PCDH15: variants seen among roughly 807,000 people sequenced by gnomAD.
PCDH15 encodes protocadherin-15.
A neutral mutation model predicts 178.5 loss-of-function variants in PCDH15; 129 were observed. The ratio of observed to expected loss-of-function variants is 0.72; its 90% CI spans 0.63 to 0.84. The LOEUF is 0.84. PCDH15 is among the 40% of genes least tolerant of loss of function. The probability of loss-of-function intolerance (pLI) is 0.00; values close to 1 mark genes in which losing one functional copy is unlikely to be tolerated. For missense variants in PCDH15, 2,230 were observed against 2,099.9 expected (o/e 1.06, Z -1.21); for synonymous variants, 800 against 732.0 (o/e 1.09, Z -1.50).
chr10:54,114,789 C>T (rs2095084901), intron 15 of PCDH15, among the ~76,000 whole-genome samples: 2 of 152,030 alleles, frequency 1.3e-5, no homozygotes, highest in Admixed American at 6.6e-5. Context: ...GTGGAAATAG[C>T]AAGTGAACGG....
intron 1 of PCDH15, among the ~76,000 whole-genome samples, chr10:54,716,772 A>G (rs1297712740): frequency 1.3e-5 from 2 of 151,600 alleles, no homozygotes; most frequent in Non-Finnish European, 2.9e-5. Context: ...TAAAGTTCAT[A>G]TGGAACCAAA....
intron 2 of PCDH15, among the ~76,000 whole-genome samples, chr10:54,652,055 C>G (rs2094275395): frequency 6.6e-6 from 1 of 151,724 alleles, no homozygotes; most frequent in Non-Finnish European, 1.5e-5. Context: ...ATTGAATAAT[C>G]TAGACTAAGC....
At chr10:54,899,033 T>A (rs912232516) in intron 2 of PCDH15, among the ~76,000 whole-genome samples, 12 of 152,084 alleles carry the variant, frequency 7.9e-5, no homozygotes, top group Admixed American at 2.0e-4. Flanking sequence ...AGCACATTCA[T>A]AACAAGCCTG....
At chr10:54,098,864 A>T (rs2094751303) in intron 15 of PCDH15, among the ~76,000 whole-genome samples, 1 of 152,316 alleles carries the variant, frequency 6.6e-6, no homozygotes, top group East Asian at 1.9e-4. Context: ...GAAAAAAATC[A>T]GAATCAACAT....
intron 2 of PCDH15, among the ~76,000 whole-genome samples, chr10:55,038,394 G>A (rs11004692): frequency 0.07 from 10,656 of 152,158 alleles, 564 homozygotes; most frequent in African/African-American, 0.14. Flanking sequence ...GATTTAAAAT[G>A]CAATATTTTA....
chr10:53,812,421 G>A (rs2075903347), intron 35 of PCDH15, among the ~76,000 whole-genome samples: 1 of 151,802 alleles, frequency 6.6e-6, no homozygotes, highest in African/African-American at 2.4e-5. Flanking sequence ...CACCATGTTA[G>A]CCAGGATGTT....
At chr10:55,222,682 T>C (rs1417699878) in intron 1 of PCDH15, among the ~76,000 whole-genome samples, 2 of 145,202 alleles carry the variant, frequency 1.4e-5, no homozygotes, top group Admixed American at 1.4e-4. Flanking sequence ...GATTGTCATC[T>C]ACAAGTAATG....
At chr10:54,767,162 A>G (rs536660458) in intron 1 of PCDH15, among the ~76,000 whole-genome samples, 1 of 152,246 alleles carries the variant, frequency 6.6e-6, no homozygotes, top group Admixed American at 6.5e-5. Context: ...GTTTGGCTCA[A>G]AATTTATTAC....
chr10:54,750,159 A>G (rs761618702), intron 1 of PCDH15, among the ~76,000 whole-genome samples: 8 of 152,084 alleles, frequency 5.3e-5, no homozygotes, highest in Non-Finnish European at 7.4e-5. Context: ...CAAGTTAAAA[A>G]TGCAGTTGGA....
At chr10:55,119,529 GCACC>G (rs1837713612) in intron 2 of PCDH15, among the ~76,000 whole-genome samples, 1 of 130,716 alleles carries the variant, frequency 7.7e-6, no homozygotes, top group African/African-American at 4.4e-5. Context: ...CTAATTAATT[GCACC>G]TGGAAAAGGC....
chr10:54,925,625 G>A (rs1446462662), intron 2 of PCDH15, among the ~76,000 whole-genome samples: 1 of 152,114 alleles, frequency 6.6e-6, no homozygotes, highest in Non-Finnish European at 1.5e-5. Flanking sequence ...TCTTTGAGCA[G>A]TGTTTTGTAG....
chr10:55,328,137 TATA>T (rs2132307004), intron 2 of PCDH15, among the ~76,000 whole-genome samples: 1 of 152,084 alleles, frequency 6.6e-6, no homozygotes, highest in East Asian at 1.9e-4. Context: ...GAAACATATT[TATA>T]ATAATTACAG....
At chr10:54,534,203 G>C (rs1030108272) in intron 2 of PCDH15, among the ~76,000 whole-genome samples, 2 of 151,918 alleles carry the variant, frequency 1.3e-5, no homozygotes, top group Non-Finnish European at 2.9e-5. Flanking sequence ...TTCATGCAAG[G>C]GCTGATAGTA....
At chr10:54,863,404 T>C (rs1424731539) in intron 3 of PCDH15, among the ~76,000 whole-genome samples, 2 of 152,036 alleles carry the variant, frequency 1.3e-5, no homozygotes, top group African/African-American at 4.8e-5. Flanking sequence ...TAGCCGGGCA[T>C]GGTGGCGGGT....
intron 2 of PCDH15, among the ~76,000 whole-genome samples, chr10:55,335,078 G>A (rs1343869835): frequency 6.6e-6 from 1 of 152,158 alleles, no homozygotes; most frequent in African/African-American, 2.4e-5. Flanking sequence ...ACATAGTTGT[G>A]CTTCTTCCTA....
chr10:54,036,156 A>G (rs2093411836), intron 18 of PCDH15, among the ~76,000 whole-genome samples: 1 of 152,030 alleles, frequency 6.6e-6, no homozygotes, highest in South Asian at 2.1e-4. Flanking sequence ...AAGGTGAAGC[A>G]GCAAGTGCAG....
chr10:55,078,765 C>T (rs1279657059), intron 2 of PCDH15, among the ~76,000 whole-genome samples: 2 of 151,808 alleles, frequency 1.3e-5, no homozygotes, highest in Non-Finnish European at 2.9e-5. Context: ...AGTCTTTTAT[C>T]CCTCACCCCC....
chr10:54,910,252 C>T (rs576883229), intron 2 of PCDH15, among the ~76,000 whole-genome samples: 5 of 152,134 alleles, frequency 3.3e-5, no homozygotes, highest in Non-Finnish European at 7.4e-5. Flanking sequence ...ACCACCAATA[C>T]CTTCTTCTGT....
At chr10:53,808,382 CTGA>C in intron 37 of PCDH15, 2 of 1,008,368 alleles carry the variant, frequency 2.0e-6, no homozygotes, top group Non-Finnish European at 2.4e-6. Context: ...CAGAGTGTCA[CTGA>C]TAATACATAA....
Sources: gnomAD v4.1 joint callset for allele counts (sites outside exome capture counted in the v4.1 genomes callset) on GRCh38, gnomAD v4.1.1 for gene constraint, MANE v1.5 for transcripts, NCBI Gene and HGNC (gene_info 2026-07-23, HGNC 2026-07-21) for gene names.